SMARCC2: variants seen among roughly 807,000 people sequenced by gnomAD.
SMARCC2 encodes SWI/SNF related BAF chromatin remodeling complex subunit C2.
In SMARCC2, 15 loss-of-function variants were observed where a neutral mutation model predicts 151.3. The observed-to-expected ratio is 0.10, with a 90% CI of 0.07 to 0.15. The LOEUF is 0.15. Ranked by LOEUF, SMARCC2 falls within the 10% of genes least tolerant of loss-of-function variation. The pLI, the probability that SMARCC2 is intolerant of heterozygous loss-of-function variation, is 1.00. For synonymous variants in SMARCC2, 590 were observed against 609.5 expected (o/e 0.97, Z 0.47); for missense variants, 1,031 against 1,599.7 (o/e 0.64, Z 6.06).
intron 5 of SMARCC2, 61 bp from the exon 6 acceptor site, chr12:56,184,305 C>A: frequency 8.1e-7 from 1 of 1,230,460 alleles, no homozygotes; most frequent in Non-Finnish European, 1.2e-6. Flanking sequence ...CAAGGTTTAG[C>A]CACAGAGCTG....
At chr12:56,175,405 C>G (rs1400930991) in intron 15 of SMARCC2, among the ~76,000 whole-genome samples, 3 of 152,232 alleles carry the variant, frequency 2.0e-5, no homozygotes, top group Admixed American at 2.0e-4. Context: ...ATGCATATAG[C>G]TAGTCAGCAT....
In SMARCC2 at chr12:56,178,508, G is replaced by A. The variant is rs754530772; in HGVS notation, c.1206C>T (p.Asn402=). ...CTGGATTCTTGGTCTGCTCTCCCTT[G>A]TTCCCCGTACTGTTCTCATCCTCAT... is the stretch of plus-strand genomic sequence containing the variant. ...GKDEDENSTG[N]KGEQTKNPDL... is the part of the protein sequence containing the mutation. The change falls in exon 14 of 29, where the codon AAC becomes AAT. Residue 402 remains asparagine (N), a synonymous_variant. Transcript: ENST00000550164. 120 of 1,614,062 alleles carry A rather than the reference G, an allele frequency of 7.4e-5. No homozygotes were observed. The highest frequency in any genetic ancestry group is 9.6e-5 in the Non-Finnish European group (113 of 1,180,022).
At position 56,173,687 on chromosome 12, in the gene SMARCC2, T is replaced by C; in HGVS notation, c.1650+9A>G. 6.8e-7 allele frequency: 1 copy of C among 1,477,492 alleles called. No individual in the cohort carries two copies. Among genetic ancestry groups the C allele is most frequent in the Non-Finnish European group, 9.3e-7 (1 of 1,072,810 alleles). 91.5% of individuals were successfully genotyped at this position (1,477,492 alleles called of 1,614,324 possible). A position where few individuals can be genotyped will look rare whatever the true frequency, so the allele number is the denominator to read the frequency against. ...CAACCCGCCCCATCCCCATAGCACC[T>C]CACCCTACCTGAGGTGTCTTGGGCT... On this transcript the variant is annotated intron_variant, in intron 17 of 28. Transcript: ENST00000550164.
At chr12:56,174,831 A>G in intron 15 of SMARCC2, 67 bp from the exon 16 acceptor site, 1 of 1,031,476 alleles carries the variant, frequency 9.7e-7, no homozygotes, top group South Asian at 1.3e-5. Context: ...CTAAAGGAAA[A>G]AATGGTAAGA....
intron 26 of SMARCC2, among the ~76,000 whole-genome samples, chr12:56,167,550 C>T (rs991962683): frequency 3.3e-5 from 5 of 152,118 alleles, no homozygotes; most frequent in Admixed American, 6.5e-5. Context: ...AATGGTTCAA[C>T]ACTGTGTCGG....
intron 2 of SMARCC2, chr12:56,186,494 G>C (rs1877281741): frequency 2.2e-6 from 1 of 448,544 alleles, no homozygotes; most frequent in Non-Finnish European, 4.0e-6. Context: ...GGCATTACAG[G>C]CATGAGCCAC....
chr12:56,170,587 G>C (rs1170982412), intron 22 of SMARCC2, among the ~76,000 whole-genome samples: 4 of 151,778 alleles, frequency 2.6e-5, no homozygotes, highest in African/African-American at 9.7e-5. Context: ...CACCATGCCT[G>C]GCTAACTTTT....
rs977920711 is a variant in SMARCC2 at position 56,163,419 on chromosome 12, T to A, written c.*270A>T. The A allele has an allele frequency of 2.1e-5, 6 of 280,740 alleles. No homozygotes were observed. Among genetic ancestry groups the A allele is most frequent in the Non-Finnish European group, 3.3e-5 (5 of 151,126 alleles). 17.4% of individuals were successfully genotyped at this position (280,740 alleles called of 1,614,324 possible). A position where few individuals can be genotyped will look rare whatever the true frequency, so the allele number is the denominator to read the frequency against. ...GTTAATAGAACCTTGTATAAACACC[T>A]TTCACCAGCCCTTCCTTTAGGGCAG... On this transcript the variant is annotated 3_prime_UTR_variant, in exon 29 of 29. Coordinates refer to ENST00000550164, the MANE Select transcript of SMARCC2 (RefSeq NM_001330288.2).
chr12:56,165,454 C>T lies in SMARCC2; in HGVS notation c.3096G>A (p.Gly1032=). The part of the protein sequence containing the change: ...ASVVPAPAGS[G]APPGSLGPSE... ...AAGGGCCCAAACTTCCTGGAGGGGC[C>T]CCACTGCCAGCAGGAGCAGGGACTA... The change falls in exon 27 of 29, where the codon GGG becomes GGA. Residue 1032 remains glycine (G), a synonymous_variant. Transcript: ENST00000550164. The T allele has an allele frequency of 2.0e-6, 3 of 1,537,482 alleles. No individual in the cohort carries two copies. Among genetic ancestry groups the T allele is most frequent in the Non-Finnish European group, 1.7e-6 (2 of 1,142,916 alleles).
In SMARCC2 at chr12:56,171,277, G is replaced by A. The variant is rs1356415853; in HGVS notation, c.2341C>T (p.Arg781Trp). 9 of 1,614,024 alleles carry A rather than the reference G, an allele frequency of 5.6e-6. No individual in the cohort carries two copies. The highest frequency in any genetic ancestry group is 6.8e-6 in the Non-Finnish European group (8 of 1,180,026). ...IAGTTSDEPERIEESGNDEAR... is the reference protein window; with the variant it reads ...IAGTTSDEPEWIEESGNDEAR... Reference sequence around the variant, plus strand: ...GGAACCTGCCTGGCCTTACCAATCCGCTCAGGCTCATCAGAGGTGGTTCCT... The same window carrying A: ...GGAACCTGCCTGGCCTTACCAATCCACTCAGGCTCATCAGAGGTGGTTCCT... The change falls in exon 22 of 29, where the codon CGG becomes TGG. Residue 781 changes from arginine to tryptophan, a missense_variant. Around this residue, in one of 12 missense-constraint regions of SMARCC2, gnomAD observed 119 missense variants for 184.2 expected, o/e 0.65. Coordinates refer to ENST00000550164, the MANE Select transcript of SMARCC2 (RefSeq NM_001330288.2). This position sits in a 1 kb window ranked among gnomAD's most constrained non-coding sequence, Gnocchi z 4.2.
intron 3 of SMARCC2, 104 bp downstream of exon 3, chr12:56,186,051 A>G (rs1388520368): frequency 2.3e-5 from 20 of 872,060 alleles, no homozygotes; most frequent in Non-Finnish European, 3.6e-5. Context: ...ACCCAGCAAA[A>G]TAAAGAGACT....
chr12:56,188,219 C>A (rs949639191), intron 1 of SMARCC2, among the ~76,000 whole-genome samples: 9 of 152,170 alleles, frequency 5.9e-5, no homozygotes, highest in Non-Finnish European at 1.2e-4. Context: ...GATCTCCCTG[C>A]AAAAGGTCAA....
Position 56,167,980 on chromosome 12 carries a change from A to ACACACACACACACACACACG in SMARCC2, c.2850+60_2850+79dup. On this transcript the variant is annotated intron_variant, in intron 26 of 28. Transcript: ENST00000550164. ...CACACACACACACACACACACACAC[A>ACACACACACACACACACACG]CACACACACACACACACACGCCCCT... The ACACACACACACACACACACG allele has an allele frequency of 2.2e-6, 3 of 1,373,540 alleles. No individual in the cohort carries two copies. In the Admixed American group the frequency reaches 5.2e-5, roughly 24 times the overall value. 85.1% of individuals were successfully genotyped at this position (1,373,540 alleles called of 1,614,324 possible).
At chr12:56,178,964 C>T in intron 12 of SMARCC2, 33 bp downstream of exon 12, 1 of 1,612,650 alleles carries the variant, frequency 6.2e-7, no homozygotes, top group Non-Finnish European at 8.5e-7. Flanking sequence ...TCCCTTGGCT[C>T]TGACTGCCGT....
Position 56,165,556 on chromosome 12 carries a change from TG to T in SMARCC2, c.2993del (p.Pro998GlnfsTer27). 1.9e-6 allele frequency: 3 copies of T among 1,612,896 alleles called. No homozygotes were observed. On this transcript the variant is annotated frameshift_variant, in exon 27 of 29. Coordinates refer to ENST00000550164, the MANE Select transcript of SMARCC2 (RefSeq NM_001330288.2). LOFTEE classifies it high-confidence loss of function. Reference protein sequence around the residue: ...QQQQPPPALPPGSQPIPPTGA... With the variant: ...QQQQPPPALPXGSQPIPPTGA... Reference sequence around the variant, plus strand: ...CTGTTGGGGGGATAGGCTGGGAGCCTGGGGGCAGGGCTGGTGGTGGCTGCTG... The same window carrying T: ...CTGTTGGGGGGATAGGCTGGGAGCCTGGGGCAGGGCTGGTGGTGGCTGCTG...
intron 7 of SMARCC2, among the ~76,000 whole-genome samples, chr12:56,182,609 C>T (rs766746511): frequency 3.3e-5 from 5 of 151,438 alleles, no homozygotes; most frequent in Admixed American, 6.6e-5. Context: ...AGGCATGAGA[C>T]ACCGCGTCCA....
At chr12:56,187,140 G>C (rs1447111439) in intron 2 of SMARCC2, 47 bp downstream of exon 2, 24 of 1,557,016 alleles carry the variant, frequency 1.5e-5, no homozygotes, top group Non-Finnish European at 2.0e-5. Context: ...CAGTTTGAAG[G>C]ATTCACCACC....
At chr12:56,175,803 G>T (rs527795647) in intron 15 of SMARCC2, among the ~76,000 whole-genome samples, 5 of 152,242 alleles carry the variant, frequency 3.3e-5, no homozygotes, top group Non-Finnish European at 7.3e-5. Context: ...TGGACATTTA[G>T]TATAGTGCCT....
At chr12:56,177,465 T>C (rs1483502219) in intron 15 of SMARCC2, among the ~76,000 whole-genome samples, 1 of 152,118 alleles carries the variant, frequency 6.6e-6, no homozygotes, top group Non-Finnish European at 1.5e-5. Flanking sequence ...CATGCTATTC[T>C]TGAACTCCTG....
Sources: gnomAD v4.1 joint callset for allele counts (sites outside exome capture counted in the v4.1 genomes callset) on GRCh38, gnomAD v4.1.1 for gene constraint, gnomAD v4.1.1 regional missense constraint, Gnocchi (gnomAD v3.1) non-coding constraint, MANE v1.5 for transcripts, NCBI Gene and HGNC (gene_info 2026-07-23, HGNC 2026-07-21) for gene names.